Variants in PYROXD2 observed in about 807,000 individuals in gnomAD.
The protein encoded by PYROXD2 is pyridine nucleotide-disulfide oxidoreductase domain-containing protein 2.
In PYROXD2, 69 loss-of-function variants were observed where a neutral mutation model predicts 71.1. The observed-to-expected ratio is 0.97, with a 90% CI of 0.80 to 1.19. The LOEUF (loss-of-function observed/expected upper bound fraction) is 1.19. Ranked by LOEUF, PYROXD2 falls within the 50% of genes most tolerant of loss-of-function variation. PYROXD2 has a pLI of 0.00. For missense variants in PYROXD2, 745 were observed against 748.9 expected, an observed-to-expected ratio of 0.99 and a Z score of 0.06; for synonymous variants, 287 against 302.7, an observed-to-expected ratio of 0.95 and a Z score of 0.54.
rs565419688 is a variant in PYROXD2 at position 98,414,726 on chromosome 10, G to A, written c.127+283C>T. Reference sequence around the variant, plus strand: ...GCAAGAGATATAGGGAAACCCCTGAGCTCACCTAGTCTTCCTGTCATTCTC... The same window carrying A: ...GCAAGAGATATAGGGAAACCCCTGAACTCACCTAGTCTTCCTGTCATTCTC... On this transcript the variant is annotated intron_variant, in intron 1 of 15. Transcript: ENST00000370575. The A allele has an allele frequency of 7.8e-6, 3 of 383,604 alleles. No individual in the cohort carries two copies. In the South Asian group the frequency reaches 1.7e-4, roughly 21 times the overall value. The allele number at this position is 383,604 out of a possible 1,614,324, so 23.8% of individuals were successfully genotyped here.
chr10:98,385,945 C>T (rs1436728418), intron 14 of PYROXD2, among the ~76,000 whole-genome samples: 5 of 152,162 alleles, frequency 3.3e-5, no homozygotes, highest in African/African-American at 1.2e-4. Flanking sequence ...ATGGGAGCTA[C>T]ATATGTAGTT....
At chr10:98,390,840 G>C in intron 11 of PYROXD2, 86 bp from the exon 12 acceptor site, 1 of 1,499,644 alleles carries the variant, frequency 6.7e-7, no homozygotes, top group Non-Finnish European at 9.1e-7. Context: ...AGTGGCGGAC[G>C]GGAGTAGGAA....
chr10:98,392,066 AATT>A (rs1221970069), intron 10 of PYROXD2, among the ~76,000 whole-genome samples: 1 of 152,184 alleles, frequency 6.6e-6, no homozygotes, highest in African/African-American at 2.4e-5. Context: ...TTAATTGATT[AATT>A]AATAATCATG....
chr10:98,411,077 C>G (rs1280483464), intron 1 of PYROXD2, 119 bp from the exon 2 acceptor site: 2 of 1,380,998 alleles, frequency 1.4e-6, no homozygotes, highest in East Asian at 2.5e-5. Flanking sequence ...CCTTGGTGAC[C>G]CTCCCCTCCC....
chr10:98,397,561 G>C, intron 5 of PYROXD2, 63 bp from the exon 6 acceptor site: 1 of 1,470,182 alleles, frequency 6.8e-7, no homozygotes, highest in East Asian at 2.5e-5. Context: ...GCTGTCCCCA[G>C]ATGGCCTGTC....
intron 10 of PYROXD2, 35 bp from the exon 11 acceptor site, chr10:98,391,117 G>A: frequency 7.4e-7 from 1 of 1,346,628 alleles, no homozygotes. Context: ...GGCCTCAGAT[G>A]TCCAAGGCCC....
intron 4 of PYROXD2, among the ~76,000 whole-genome samples, chr10:98,407,293 G>C (rs149740745): frequency 0.012 from 1,772 of 152,318 alleles, 13 homozygotes; most frequent in South Asian, 0.022. Context: ...GGCGCCCAAG[G>C]CTTCAGATAG....
intron 5 of PYROXD2, 101 bp from the exon 6 acceptor site, chr10:98,397,599 G>T: frequency 7.1e-7 from 1 of 1,402,462 alleles, no homozygotes. Flanking sequence ...CGGTTCCTCA[G>T]GCCTCATTCC....
intron 5 of PYROXD2, among the ~76,000 whole-genome samples, chr10:98,398,246 G>A (rs1203580736): frequency 2.0e-5 from 3 of 152,004 alleles, no homozygotes; most frequent in Non-Finnish European, 4.4e-5. Context: ...TTCTTTTCCG[G>A]TCTGTAGGTC....
intron 4 of PYROXD2, among the ~76,000 whole-genome samples, chr10:98,400,485 CCATACCATACATACCACA>C (rs1843357812): frequency 6.6e-6 from 1 of 152,124 alleles, no homozygotes; most frequent in Admixed American, 6.6e-5. Flanking sequence ...CCATTCTACA[CCATACCATACATACCACA>C]CATACCATGC....
chr10:98,414,539 A>G (rs1010964278), intron 1 of PYROXD2, among the ~76,000 whole-genome samples: 12 of 152,246 alleles, frequency 7.9e-5, no homozygotes, highest in African/African-American at 2.9e-4. Context: ...AAATGACTGC[A>G]GTTTCTTGTG....
intron 9 of PYROXD2, 100 bp from the exon 10 acceptor site, chr10:98,392,666 A>G: frequency 6.5e-7 from 1 of 1,533,430 alleles, no homozygotes; most frequent in Admixed American, 2.0e-5. Context: ...AGGCATTCAC[A>G]ACTTCTTCAT....
intron 8 of PYROXD2, among the ~76,000 whole-genome samples, chr10:98,394,543 A>AACACACACAC (rs58461142): frequency 0.035 from 4,946 of 141,836 alleles, 113 homozygotes; most frequent in South Asian, 0.06. Context: ...TCTCCATCCC[A>AACACACACAC]ACACACACAC....
Position 98,411,199 on chromosome 10 carries a change from CT to C in PYROXD2, c.128-242del, listed in dbSNP as rs1410062324. 8.4e-6 allele frequency: 5 copies of C among 593,424 alleles called. No homozygotes were observed. In the East Asian group the frequency reaches 9.0e-5, roughly 11 times the overall value. The allele number at this position is 593,424 out of a possible 1,614,324, so 36.8% of individuals were successfully genotyped here. The stretch of plus-strand genomic sequence containing the variant: ...CCTTGGCTGGAAAAGTCCTGCTCCC[CT>C]GGCTTGGTCAGGGGCTCTGCTGGAG... On this transcript the variant is annotated intron_variant, in intron 1 of 15. Coordinates refer to ENST00000370575, the MANE Select transcript of PYROXD2 (RefSeq NM_032709.3).
chr10:98,384,885 G>T, intron 15 of PYROXD2, 62 bp downstream of exon 15: 1 of 1,516,000 alleles, frequency 6.6e-7, no homozygotes, highest in Non-Finnish European at 8.8e-7. Flanking sequence ...CCTTCTCCAA[G>T]TCTCTGGCCT....
chr10:98,385,957 T>C (rs188685333), intron 14 of PYROXD2, among the ~76,000 whole-genome samples: 1 of 152,250 alleles, frequency 6.6e-6, no homozygotes, highest in East Asian at 1.9e-4. Context: ...TATGTAGTTT[T>C]TGATTTATTA....
intron 5 of PYROXD2, among the ~76,000 whole-genome samples, chr10:98,398,901 G>A (rs1441665892): frequency 6.6e-6 from 1 of 152,052 alleles, no homozygotes; most frequent in Non-Finnish European, 1.5e-5. Context: ...CTTGGGAGGT[G>A]GAGGTGGGAG....
At position 98,392,536 on chromosome 10, in the gene PYROXD2, C is replaced by T; in HGVS notation, c.958G>A (p.Gly320Ser). 2 of 1,613,054 alleles carry T rather than the reference C, an allele frequency of 1.2e-6. No homozygotes were observed. The highest frequency in any genetic ancestry group is 1.7e-5 in the Admixed American group (1 of 60,024). Residue 320 changes from glycine to serine, a missense_variant, in exon 10 of 16, where the codon GGC becomes AGC. Gly to Ser is a moderately conservative substitution (Grantham distance 56). Coordinates refer to ENST00000370575, the MANE Select transcript of PYROXD2 (RefSeq NM_032709.3). ...TVAKVQVNSE[G>S]CVQGVVLEDG... ...TCCAGCACAACTCCTTGAACACAGC[C>T]TTCACTGTTCACCTGCACCTTCGCC...
rs563495750 is a variant in PYROXD2, at chr10:98,388,873, G to T, written c.1293-365C>A. ...CAGGCGCCCAAGCAGCCAGATTTCA[G>T]CCAGGCTTTAGTGGCCTGACTGTCT... On this transcript the variant is annotated intron_variant, in intron 12 of 15. Transcript: ENST00000370575. Among the ~76,000 whole-genome samples, 6 of 152,216 alleles carry T rather than the reference G, an allele frequency of 3.9e-5. No homozygotes were observed. The East Asian group carries it at 9.7e-4, about 25-fold the overall frequency.
Sources: allele counts gnomAD v4.1 joint callset (sites outside exome capture counted in the v4.1 genomes callset), GRCh38; gene constraint gnomAD v4.1.1; transcripts MANE v1.5; gene names NCBI Gene and HGNC (gene_info 2026-07-23, HGNC 2026-07-21).